The following DGCR2 variants were observed in gnomAD, a reference collection of about 807,000 sequenced individuals.
The protein encoded by DGCR2 is DiGeorge syndrome critical region gene 2.
In DGCR2, 24 loss-of-function variants were observed where a neutral mutation model predicts 51.6. The ratio of observed to expected loss-of-function variants is 0.47; its 90% CI spans 0.34 to 0.65. The LOEUF (loss-of-function observed/expected upper bound fraction) is 0.65, where lower values mean the gene tolerates loss of function less well. Ranked by LOEUF, DGCR2 falls within the 30% of genes least tolerant of loss-of-function variation. The pLI is 0.01. For missense variants in DGCR2, 765 were observed against 772.1 expected (o/e 0.99, Z 0.11); for synonymous variants, 340 against 315.4 (o/e 1.08, Z -0.82).
chr22:19,105,805 G>A (rs570423433), intron 1 of DGCR2, among the ~76,000 whole-genome samples: 3 of 152,148 alleles, frequency 2.0e-5, no homozygotes, highest in Non-Finnish European at 4.4e-5. Flanking sequence ...AACCAACTGT[G>A]ATCACATCAC....
At chr22:19,103,299 G>T (rs1052405991) in intron 1 of DGCR2, among the ~76,000 whole-genome samples, 24 of 145,394 alleles carry the variant, frequency 1.7e-4, no homozygotes, top group African/African-American at 6.1e-4. Context: ...AAAAAAAAAA[G>T]TTCTGGAAAT....
intron 1 of DGCR2, among the ~76,000 whole-genome samples, chr22:19,105,323 C>T (rs1462733359): frequency 6.6e-6 from 1 of 152,080 alleles, no homozygotes; most frequent in Admixed American, 6.5e-5. Context: ...GACTCCATCT[C>T]AAAAACTAAA....
At chr22:19,039,617 G>A (rs532733888) in intron 9 of DGCR2, among the ~76,000 whole-genome samples, 22 of 152,312 alleles carry the variant, frequency 1.4e-4, no homozygotes, top group African/African-American at 5.1e-4. Flanking sequence ...TGCAGTGAGC[G>A]GCCTGGAAAA....
intron 2 of DGCR2, among the ~76,000 whole-genome samples, chr22:19,074,854 T>C (rs2082857403): frequency 6.6e-6 from 1 of 152,198 alleles, no homozygotes; most frequent in African/African-American, 2.4e-5. Flanking sequence ...ACTGCTCTGA[T>C]TCCTGATCCT....
intron 2 of DGCR2, among the ~76,000 whole-genome samples, chr22:19,079,725 AGTAAG>A (rs1368194857): frequency 5.3e-5 from 8 of 152,264 alleles, no homozygotes. Flanking sequence ...GATCACAGCC[AGTAAG>A]TGGTGAAAGC....
intron 2 of DGCR2, among the ~76,000 whole-genome samples, chr22:19,086,970 G>A (rs2083024012): frequency 6.6e-6 from 1 of 152,198 alleles, no homozygotes. Flanking sequence ...AACTACAAAA[G>A]CAAAGCCAAA....
Position 19,048,554 on chromosome 22 carries a change from A to C in DGCR2, c.892T>G (p.Cys298Gly), listed in dbSNP as rs760809131. The stretch of plus-strand genomic sequence containing the variant: ...CACATCTCAGGCTCCCCTCCATGGC[A>C]GGTGCAGCTCAGGCATGGGTCGTCC... ...KGDDPCLSCT[C>G]HGGEPEMCVA... Residue 298 changes from cysteine (C) to glycine (G), a missense_variant, in exon 7 of 10, where the codon TGC becomes GGC. Around this residue, in one of 3 missense-constraint regions of DGCR2, gnomAD observed 190 missense variants for 265.2 expected, o/e 0.72. Transcript: ENST00000263196. The C allele has an allele frequency of 5.6e-6, 9 of 1,614,102 alleles. No individual in the cohort carries two copies. Among genetic ancestry groups the C allele is most frequent in the African/African-American group, 2.7e-5 (2 of 74,940 alleles).
intron 7 of DGCR2, among the ~76,000 whole-genome samples, chr22:19,044,175 T>C (rs375295820): frequency 6.6e-6 from 1 of 152,052 alleles, no homozygotes; most frequent in Non-Finnish European, 1.5e-5. Context: ...GAAATAATCA[T>C]CTCTCAGAAC....
chr22:19,060,896 G>C (rs766687546), intron 5 of DGCR2: 1 of 515,948 alleles, frequency 1.9e-6, no homozygotes, highest in South Asian at 1.4e-5. Context: ...TGTGTGTGCA[G>C]GGTACCGACA....
intron 7 of DGCR2, among the ~76,000 whole-genome samples, chr22:19,044,571 A>C (rs563618103): frequency 6.6e-6 from 1 of 152,214 alleles, no homozygotes; most frequent in Non-Finnish European, 1.5e-5. Flanking sequence ...TCATCGTATC[A>C]GGGCTGCCCG....
intron 3 of DGCR2, among the ~76,000 whole-genome samples, chr22:19,067,366 G>C (rs2082761485): frequency 6.6e-6 from 1 of 152,068 alleles, no homozygotes; most frequent in Admixed American, 6.6e-5. Context: ...AATGTCATAG[G>C]TAATTTATTA....
At chr22:19,095,596 G>A (rs2083130313) in intron 1 of DGCR2, among the ~76,000 whole-genome samples, 2 of 150,856 alleles carry the variant, frequency 1.3e-5, no homozygotes, top group African/African-American at 4.9e-5. Flanking sequence ...AGGAAGCAGA[G>A]CTGGCAGTGA....
At chr22:19,077,457 A>T (rs1353034791) in intron 2 of DGCR2, among the ~76,000 whole-genome samples, 1 of 152,154 alleles carries the variant, frequency 6.6e-6, no homozygotes, top group Non-Finnish European at 1.5e-5. Flanking sequence ...CCCTCACTGA[A>T]TGGTAATGGC....
intron 6 of DGCR2, among the ~76,000 whole-genome samples, chr22:19,054,405 CA>C (rs2146321122): frequency 6.6e-6 from 1 of 152,288 alleles, no homozygotes; most frequent in Admixed American, 6.5e-5. Flanking sequence ...CTGCCTTTTC[CA>C]TAAGCTTGAA....
chr22:19,047,735 C>G (rs1601509198), intron 7 of DGCR2: 1 of 152,580 alleles, frequency 6.6e-6, no homozygotes, highest in African/African-American at 2.4e-5. Flanking sequence ...TACCTTAAAG[C>G]CCCCGCCTGG....
At chr22:19,081,294 G>A (rs1478173810) in intron 2 of DGCR2, among the ~76,000 whole-genome samples, 1 of 152,124 alleles carries the variant, frequency 6.6e-6, no homozygotes, top group African/African-American at 2.4e-5. Context: ...CTCTCCACCA[G>A]GAACTAGAAT....
intron 4 of DGCR2, 37 bp from the exon 5 acceptor site, chr22:19,063,315 G>T (rs762391509): frequency 1.3e-6 from 2 of 1,586,352 alleles, no homozygotes; most frequent in South Asian, 1.1e-5. Context: ...GATCTCAGCG[G>T]CAGGAGGGAT....
intron 1 of DGCR2, among the ~76,000 whole-genome samples, chr22:19,103,349 A>C (rs1226630414): frequency 6.7e-6 from 1 of 149,952 alleles, no homozygotes; most frequent in Admixed American, 6.7e-5. Flanking sequence ...GAATGTTCTT[A>C]ATGCCACTGA....
intron 7 of DGCR2, chr22:19,046,703 C>T (rs1466942849): frequency 1.2e-5 from 5 of 421,884 alleles, no homozygotes; most frequent in African/African-American, 1.0e-4. Flanking sequence ...GAGTCAGGAG[C>T]CCATGGAAGC....
Sources: allele counts gnomAD v4.1 joint callset (sites outside exome capture counted in the v4.1 genomes callset), GRCh38; gene constraint gnomAD v4.1.1; regional missense constraint gnomAD v4.1.1; transcripts MANE v1.5; gene names NCBI Gene and HGNC (gene_info 2026-07-23, HGNC 2026-07-21).